C1QTNF7: variants seen among roughly 807,000 people sequenced by gnomAD.
C1QTNF7 encodes the protein complement C1q tumor necrosis factor-related protein 7.
In C1QTNF7, 15 loss-of-function variants were observed where a neutral mutation model predicts 19.6. The ratio of observed to expected loss-of-function variants is 0.76; its 90% CI spans 0.51 to 1.18. The LOEUF (loss-of-function observed/expected upper bound fraction) is 1.18. Ranked by LOEUF, C1QTNF7 falls within the 50% of genes most tolerant of loss-of-function variation. C1QTNF7 has a pLI of 0.00. For synonymous variants in C1QTNF7, 142 were observed against 137.5 expected (o/e 1.03, Z -0.23); for missense variants, 324 against 359.7 (o/e 0.90, Z 0.80).
intron 1 of C1QTNF7, among the ~76,000 whole-genome samples, chr4:15,429,133 A>G (rs931969881): frequency 4.6e-5 from 7 of 152,318 alleles, no homozygotes; most frequent in East Asian, 1.9e-4. Context: ...GGATAAAGTA[A>G]AAGATGTCCT....
chr4:15,384,471 A>T (rs1718258241), intron 1 of C1QTNF7, among the ~76,000 whole-genome samples: 1 of 152,190 alleles, frequency 6.6e-6, no homozygotes. Context: ...CTTTGAAAAT[A>T]ACTTGGCCCA....
chr4:15,373,327 G>T (rs567747370), intron 1 of C1QTNF7, among the ~76,000 whole-genome samples: 4 of 152,172 alleles, frequency 2.6e-5, no homozygotes, highest in Non-Finnish European at 4.4e-5. Flanking sequence ...TCCCATTCAC[G>T]AGAGCCCTGC....
At chr4:15,356,721 TA>T (rs976927521) in intron 1 of C1QTNF7, among the ~76,000 whole-genome samples, 2 of 152,218 alleles carry the variant, frequency 1.3e-5, no homozygotes, top group African/African-American at 4.8e-5. Context: ...ACCAACAGTG[TA>T]AAAGCGTTCC....
chr4:15,370,443 T>C (rs1186051222), intron 1 of C1QTNF7, among the ~76,000 whole-genome samples: 1 of 152,174 alleles, frequency 6.6e-6, no homozygotes, highest in Non-Finnish European at 1.5e-5. Context: ...ACCCTGTGTG[T>C]GCCCTCCTTG....
At chr4:15,367,032 A>C (rs937806117) in intron 1 of C1QTNF7, among the ~76,000 whole-genome samples, 18 of 152,228 alleles carry the variant, frequency 1.2e-4, no homozygotes, top group African/African-American at 2.2e-4. Context: ...CTATTTATCC[A>C]TAATGAAAAT....
intron 1 of C1QTNF7, among the ~76,000 whole-genome samples, chr4:15,372,419 C>T (rs1717768319): frequency 6.6e-6 from 1 of 152,196 alleles, no homozygotes; most frequent in African/African-American, 2.4e-5. Flanking sequence ...CAGAATCCAA[C>T]CACGCTGGCA....
intron 1 of C1QTNF7, among the ~76,000 whole-genome samples, chr4:15,430,779 G>A (rs1054652220): frequency 2.0e-5 from 3 of 152,082 alleles, no homozygotes; most frequent in Admixed American, 1.3e-4. Flanking sequence ...AAAATATAAA[G>A]TTATATCCCT....
chr4:15,363,724 A>G (rs1479701203), intron 1 of C1QTNF7, among the ~76,000 whole-genome samples: 3 of 152,218 alleles, frequency 2.0e-5, no homozygotes, highest in African/African-American at 7.2e-5. Flanking sequence ...ATTGGAAAGT[A>G]ACTAACAGAA....
chr4:15,442,271 A>G lies in C1QTNF7; in HGVS notation c.342A>G (p.Glu114=). Residue 114 remains glutamate (E), a synonymous_variant, in exon 3 of 3, where the codon GAA becomes GAG. Transcript: ENST00000444304. ...GPIGPEGEKG[E]VGPIGPPGPK... is the part of the protein sequence containing the mutation. ...TAGGACCAGAGGGAGAGAAAGGAGA[A>G]GTAGGTCCAATTGGTCCTCCTGGAC... 1 of 1,614,118 alleles carries G rather than the reference A, an allele frequency of 6.2e-7. No individual in the cohort carries two copies. Among genetic ancestry groups the G allele is most frequent in the Non-Finnish European group, 8.5e-7 (1 of 1,180,022 alleles).
chr4:15,372,492 C>T (rs921210234), intron 1 of C1QTNF7, among the ~76,000 whole-genome samples: 20 of 152,190 alleles, frequency 1.3e-4, no homozygotes, highest in African/African-American at 3.4e-4. Flanking sequence ...GTTTATGCCA[C>T]CCAGTCTATG....
rs1711694264 is a variant in C1QTNF7, at chr4:15,420,425, C to T, written c.14-15311C>T. ...CATCCAAAGACATGCATTTCCTAGT[C>T]CCAACAAGAACGTAAACTCTAAACA... On this transcript the variant is annotated intron_variant, in intron 1 of 2. Coordinates refer to the C1QTNF7 transcript ENST00000295297. Among the ~76,000 whole-genome samples, 7 of 152,258 alleles carry T rather than the reference C, an allele frequency of 4.6e-5. No homozygotes were observed. In the South Asian group the frequency reaches 1.5e-3, roughly 32 times the overall value.
In C1QTNF7 at chr4:15,443,051, G is replaced by A; in HGVS notation, c.*252G>A. 2 of 298,104 alleles carry A rather than the reference G, an allele frequency of 6.7e-6. No homozygotes were observed. The highest frequency in any genetic ancestry group is 6.1e-6 in the Non-Finnish European group (1 of 164,334). The allele number at this position is 298,104 out of a possible 1,614,324, so 18.5% of individuals were successfully genotyped here. A position where few individuals can be genotyped will look rare whatever the true frequency, so the allele number is the denominator to read the frequency against. On this transcript the variant is annotated 3_prime_UTR_variant, in exon 3 of 3. Coordinates refer to ENST00000444304, the MANE Select transcript of C1QTNF7 (RefSeq NM_031911.5). Reference sequence around the variant, plus strand: ...TTCATAAATATTTAAGCAAATTAAAGACAATGTTAACAAATTTTCTATTAA... The same window carrying A: ...TTCATAAATATTTAAGCAAATTAAAAACAATGTTAACAAATTTTCTATTAA...
At chr4:15,348,577 G>T (rs1234429523) in intron 1 of C1QTNF7, among the ~76,000 whole-genome samples, 1 of 152,062 alleles carries the variant, frequency 6.6e-6, no homozygotes, top group Non-Finnish European at 1.5e-5. Flanking sequence ...AAATAGGCAG[G>T]GCAGAGACCC....
chr4:15,341,477 G>A (rs939764886), intron 1 of C1QTNF7, among the ~76,000 whole-genome samples: 1 of 152,168 alleles, frequency 6.6e-6, no homozygotes, highest in African/African-American at 2.4e-5. Context: ...AAGGGATTAA[G>A]GTTAAGAAGG....
chr4:15,412,810 C>T (rs1399662267), intron 1 of C1QTNF7, among the ~76,000 whole-genome samples: 1 of 152,172 alleles, frequency 6.6e-6, no homozygotes, highest in Non-Finnish European at 1.5e-5. Context: ...TTACAGAAGG[C>T]AAAACTGTTA....
At chr4:15,400,858 G>T (rs889814728) in intron 1 of C1QTNF7, among the ~76,000 whole-genome samples, 1 of 152,166 alleles carries the variant, frequency 6.6e-6, no homozygotes, top group African/African-American at 2.4e-5. Flanking sequence ...TTCATTGTGG[G>T]CCCTCAGGAC....
At chr4:15,397,964 T>A (rs1043258557) in intron 1 of C1QTNF7, among the ~76,000 whole-genome samples, 2 of 152,204 alleles carry the variant, frequency 1.3e-5, no homozygotes, top group Non-Finnish European at 2.9e-5. Flanking sequence ...CCCACCACTC[T>A]CACCTCCCCT....
chr4:15,403,298 T>C (rs1390614928), intron 1 of C1QTNF7, among the ~76,000 whole-genome samples: 3 of 152,232 alleles, frequency 2.0e-5, no homozygotes, highest in African/African-American at 7.2e-5. Flanking sequence ...CTTACTCTAG[T>C]AATGCTGTAT....
chr4:15,431,764 T>C (rs1712321690), intron 1 of C1QTNF7, among the ~76,000 whole-genome samples: 1 of 152,160 alleles, frequency 6.6e-6, no homozygotes, highest in Non-Finnish European at 1.5e-5. Flanking sequence ...CTGTAAGTGG[T>C]TGGACACATC....
Sources: allele counts gnomAD v4.1 joint callset (sites outside exome capture counted in the v4.1 genomes callset), GRCh38; gene constraint gnomAD v4.1.1; transcripts MANE v1.5; gene names NCBI Gene and HGNC (gene_info 2026-07-23, HGNC 2026-07-21).